The following SPOCK1 variants were observed in gnomAD, a reference collection of about 807,000 sequenced individuals.
The protein encoded by SPOCK1 is testican-1.
In SPOCK1, 23 loss-of-function variants were observed where a neutral mutation model predicts 55.3. That is an observed-to-expected ratio of 0.42 (90% confidence interval 0.30 to 0.59). The LOEUF (loss-of-function observed/expected upper bound fraction) is 0.59, where lower values mean the gene tolerates loss of function less well. Among genes scored for constraint, SPOCK1 ranks in the 20% least tolerant of loss-of-function variants. SPOCK1 has a pLI of 0.22. For missense variants in SPOCK1, 499 were observed against 552.5 expected (o/e 0.90, Z 0.97); for synonymous variants, 226 against 221.0 (o/e 1.02, Z -0.20).
In SPOCK1 at chr5:136,987,795, A is replaced by AC. The variant is rs1238777978; in HGVS notation, c.928+626dup. Among the ~76,000 whole-genome samples the AC allele has an allele frequency of 3.3e-5, 5 of 151,406 alleles. No homozygotes were observed. In the South Asian group the frequency reaches 8.4e-4, roughly 25 times the overall value. ...AACTGTGACTGCCATACTCAGGTGC[A>AC]CCCCCCAGACAGAGGGAGGTAAAGT... is the stretch of plus-strand genomic sequence containing the variant. On this transcript the variant is annotated intron_variant, in intron 8 of 10. Transcript: ENST00000394945.
chr5:137,088,492 T>TA (rs1048929338), intron 5 of SPOCK1, among the ~76,000 whole-genome samples: 4 of 152,246 alleles, frequency 2.6e-5, no homozygotes, highest in African/African-American at 4.8e-5. Context: ...TAAAGAAAGA[T>TA]AAAAAAGAAC....
intron 3 of SPOCK1, among the ~76,000 whole-genome samples, chr5:137,246,362 T>C (rs773156152): frequency 2.0e-5 from 3 of 152,208 alleles, no homozygotes; most frequent in Non-Finnish European, 2.9e-5. Context: ...TCTATTACTA[T>C]TGTCATTAGG....
chr5:137,098,343 A>T (rs1273686726), intron 5 of SPOCK1, among the ~76,000 whole-genome samples: 2 of 152,014 alleles, frequency 1.3e-5, no homozygotes, highest in Non-Finnish European at 2.9e-5. Flanking sequence ...CACTCCCCTC[A>T]CCTGGCTGAC....
At chr5:137,016,033 G>C (rs1291274539) in intron 6 of SPOCK1, among the ~76,000 whole-genome samples, 1 of 152,170 alleles carries the variant, frequency 6.6e-6, no homozygotes, top group Non-Finnish European at 1.5e-5. Flanking sequence ...GAAATGGCTA[G>C]AGTTAGGCAG....
chr5:136,981,573 A>G (rs766429107), intron 9 of SPOCK1, among the ~76,000 whole-genome samples: 11 of 152,010 alleles, frequency 7.2e-5, no homozygotes, highest in African/African-American at 2.7e-4. Context: ...TCTTTGATCA[A>G]TTTTTATTCA....
intron 8 of SPOCK1, among the ~76,000 whole-genome samples, chr5:136,986,491 T>TACTA (rs1371566567): frequency 6.6e-6 from 1 of 152,194 alleles, no homozygotes; most frequent in Admixed American, 6.5e-5. Flanking sequence ...TGATTTTAGG[T>TACTA]ACTAACAGAT....
chr5:137,157,002 T>C (rs1432864442), intron 3 of SPOCK1, among the ~76,000 whole-genome samples: 1 of 152,158 alleles, frequency 6.6e-6, no homozygotes, highest in African/African-American at 2.4e-5. Context: ...TTATTTTTAA[T>C]AGAAAGATAT....
chr5:137,391,710 G>A (rs1751728611), intron 2 of SPOCK1, among the ~76,000 whole-genome samples: 1 of 151,952 alleles, frequency 6.6e-6, no homozygotes, highest in African/African-American at 2.4e-5. Context: ...GCTGGTTCCT[G>A]GTCTGCATTT....
chr5:137,289,368 G>A (rs138892181), intron 2 of SPOCK1, among the ~76,000 whole-genome samples: 14 of 152,122 alleles, frequency 9.2e-5, no homozygotes, highest in East Asian at 7.7e-4. Flanking sequence ...TTTAAAACAC[G>A]GCACATTCTG....
intron 2 of SPOCK1, among the ~76,000 whole-genome samples, chr5:137,428,780 T>C (rs1752685598): frequency 6.6e-6 from 1 of 152,346 alleles, no homozygotes; most frequent in Admixed American, 6.5e-5. Flanking sequence ...TCCCTCTTCC[T>C]AATTCCTCCA....
At chr5:137,312,816 C>T (rs184026038) in intron 2 of SPOCK1, among the ~76,000 whole-genome samples, 4 of 152,314 alleles carry the variant, frequency 2.6e-5, no homozygotes, top group East Asian at 3.9e-4. Flanking sequence ...TCCCATCATC[C>T]CCATCCAGTA....
At chr5:137,315,216 T>C (rs563520121) in intron 2 of SPOCK1, among the ~76,000 whole-genome samples, 17 of 152,298 alleles carry the variant, frequency 1.1e-4, no homozygotes, top group African/African-American at 3.8e-4. Context: ...AGGTTCACCA[T>C]GGACAGAATT....
intron 5 of SPOCK1, among the ~76,000 whole-genome samples, chr5:137,083,057 C>T (rs1338616110): frequency 6.6e-6 from 1 of 152,120 alleles, no homozygotes; most frequent in Non-Finnish European, 1.5e-5. Flanking sequence ...TGAGGGGGGA[C>T]CCTGTGAACA....
intron 2 of SPOCK1, among the ~76,000 whole-genome samples, chr5:137,483,033 T>TA (rs1361415706): frequency 6.6e-6 from 1 of 152,186 alleles, no homozygotes; most frequent in Non-Finnish European, 1.5e-5. Context: ...CCTTGAGATA[T>TA]AAAAAGTAAT....
At chr5:137,258,002 G>A (rs1366964511) in intron 3 of SPOCK1, among the ~76,000 whole-genome samples, 1 of 152,164 alleles carries the variant, frequency 6.6e-6, no homozygotes, top group African/African-American at 2.4e-5. Context: ...ACACCCTTGT[G>A]GAATAGGCAG....
chr5:137,215,489 T>G (rs1755699466), intron 3 of SPOCK1, among the ~76,000 whole-genome samples: 1 of 152,180 alleles, frequency 6.6e-6, no homozygotes, highest in East Asian at 1.9e-4. Context: ...TTAGAACAGT[T>G]GTGATGACAG....
rs1751484561 is a variant in SPOCK1 at position 137,382,159 on chromosome 5, G to A, written c.187-115104C>T. Reference sequence around the variant, plus strand: ...AAATGCCACCAGTCTCTTTGCTAAAGCATAGCAAGAATGACCTTTGCTCCA... The same window carrying A: ...AAATGCCACCAGTCTCTTTGCTAAAACATAGCAAGAATGACCTTTGCTCCA... On this transcript the variant is annotated intron_variant, in intron 2 of 10. Transcript: ENST00000394945. Among the ~76,000 whole-genome samples, 4 of 152,208 alleles carry A rather than the reference G, an allele frequency of 2.6e-5. No individual in the cohort carries two copies. The South Asian group carries it at 8.3e-4, about 32-fold the overall frequency.
chr5:137,348,095 G>A (rs1360850574), intron 2 of SPOCK1, among the ~76,000 whole-genome samples: 1 of 152,090 alleles, frequency 6.6e-6, no homozygotes, highest in Non-Finnish European at 1.5e-5. Flanking sequence ...GAGACAGCAG[G>A]GCCAAGTTTG....
Position 136,979,485 on chromosome 5 carries a change from G to A in SPOCK1, c.992-16C>T. On this transcript the variant is annotated splice_polypyrimidine_tract_variant and intron_variant, in intron 9 of 10. Transcript: ENST00000394945. ...ATGAAGGCCCCTGGGGGAACAAAAG[G>A]TGCAACTTTAATCAGAGACATGCAG... The A allele has an allele frequency of 6.2e-7, 1 of 1,604,914 alleles. No homozygotes were observed. Among genetic ancestry groups the A allele is most frequent in the Non-Finnish European group, 8.5e-7 (1 of 1,176,914 alleles).
Sources: gnomAD v4.1 joint callset for allele counts (sites outside exome capture counted in the v4.1 genomes callset) on GRCh38, gnomAD v4.1.1 for gene constraint, MANE v1.5 for transcripts, NCBI Gene and HGNC (gene_info 2026-07-23, HGNC 2026-07-21) for gene names.